DNAJC21: variants seen among roughly 807,000 people sequenced by gnomAD.
The protein encoded by DNAJC21 is DnaJ heat shock protein family (Hsp40) member C21.
In DNAJC21, 63 loss-of-function variants were observed where a neutral mutation model predicts 72.4. The observed-to-expected ratio is 0.87, with a 90% CI of 0.71 to 1.07. DNAJC21 has a LOEUF of 1.07. DNAJC21 is among the 50% of genes least tolerant of loss of function. The pLI, the probability that DNAJC21 is intolerant of heterozygous loss-of-function variation, is 0.00. For missense variants in DNAJC21, 634 were observed against 644.8 expected (o/e 0.98, Z 0.18); for synonymous variants, 203 against 216.7 (o/e 0.94, Z 0.56).
Position 34,933,897 on chromosome 5 carries a change from G to C in DNAJC21, c.180G>C (p.Gln60His). The change falls in exon 2 of 12, where the codon CAG becomes CAC. Residue 60 changes from glutamine to histidine, a missense_variant. By Grantham distance (24) the Gln-to-His change is conservative. Coordinates refer to ENST00000648817, the MANE Select transcript of DNAJC21 (RefSeq NM_001012339.3). ...CATATGATGTGTTGAGTGACCCTCA[G>C]GAAAGAGCATGGTGAGCATCACGCT... ...QAAYDVLSDP[Q>H]ERAWYDNHRE... 6.2e-7 allele frequency: 1 copy of C among 1,613,790 alleles called. No individual in the cohort carries two copies.
intron 8 of DNAJC21, among the ~76,000 whole-genome samples, chr5:34,945,312 A>G (rs1238196219): frequency 1.3e-5 from 2 of 152,156 alleles, no homozygotes; most frequent in East Asian, 3.9e-4. Flanking sequence ...TCCTGATCTC[A>G]GGTAATTCAC....
At chr5:34,936,704 C>T (rs1764791487) in intron 4 of DNAJC21, among the ~76,000 whole-genome samples, 1 of 152,160 alleles carries the variant, frequency 6.6e-6, no homozygotes, top group East Asian at 1.9e-4. Context: ...GCTTTTCGAT[C>T]TCTTGCAACC....
At chr5:34,939,501 G>A (rs62356990) in intron 6 of DNAJC21, among the ~76,000 whole-genome samples, 10 of 152,084 alleles carry the variant, frequency 6.6e-5, no homozygotes, top group Non-Finnish European at 1.0e-4. Context: ...TCCTGACCTC[G>A]TGATCCACCC....
chr5:34,931,280 G>A (rs192061507), intron 1 of DNAJC21, among the ~76,000 whole-genome samples: 190 of 152,322 alleles, frequency 1.2e-3, no homozygotes, highest in African/African-American at 4.4e-3. Context: ...AAGAGCAGAA[G>A]TAAATGAACT....
chr5:34,935,521 G>A (rs1000931744), intron 2 of DNAJC21, among the ~76,000 whole-genome samples, 189 bp from the exon 3 acceptor site: 6 of 152,070 alleles, frequency 3.9e-5, no homozygotes, highest in Admixed American at 2.0e-4. Context: ...TGCAGGCCTA[G>A]TTATAATTAA....
chr5:34,941,166 G>A lies in DNAJC21; in HGVS notation c.966G>A (p.Ser322=), dbSNP rs759074512. The A allele has an allele frequency of 5.0e-5, 80 of 1,613,876 alleles. No individual in the cohort carries two copies. The Admixed American group carries it at 5.5e-4, about 11-fold the overall frequency. The part of the protein sequence containing the change: ...DDLYCPACDK[S]FKTEKAMKNH... ...TTTACTGCCCAGCATGTGACAAATC[G>A]TTCAAGACAGAAAAGGCGTAAGTTT... is the stretch of plus-strand genomic sequence containing the variant. Residue 322 remains serine (S), a synonymous_variant, in exon 7 of 12, where the codon TCG becomes TCA. Transcript: ENST00000648817.
chr5:34,954,656 C>T lies in DNAJC21; in HGVS notation c.1538C>T (p.Ser513Leu), dbSNP rs760089076. ...ATGHARAPSSSSLNSATSSQS... is the reference protein window; with the variant it reads ...ATGHARAPSSLSLNSATSSQS... The stretch of plus-strand genomic sequence containing the variant: ...GGTCATGCAAGAGCACCTTCATCAT[C>T]GTCTTTAAACAGCGCAACAAGTAGT... The change falls in exon 12 of 12, where the codon TCG becomes TTG. Residue 513 changes from serine to leucine, a missense_variant. Coordinates refer to ENST00000648817, the MANE Select transcript of DNAJC21 (RefSeq NM_001012339.3). The T allele has an allele frequency of 7.4e-6, 12 of 1,613,104 alleles. No individual in the cohort carries two copies. Among genetic ancestry groups the T allele is most frequent in the South Asian group, 3.3e-5 (3 of 90,928 alleles).
chr5:34,949,508 G>T, intron 9 of DNAJC21: 1 of 1,551,534 alleles, frequency 6.4e-7, no homozygotes, highest in East Asian at 2.4e-5. Flanking sequence ...ATTCTTGAGT[G>T]TGAGTATTGT....
At chr5:34,939,063 A>G (rs940519926) in intron 6 of DNAJC21, 54 bp downstream of exon 6, 3 of 1,429,666 alleles carry the variant, frequency 2.1e-6, no homozygotes, top group Admixed American at 2.6e-5. Flanking sequence ...GAAGCTGGAA[A>G]TCTCCTTGCT....
intron 2 of DNAJC21, among the ~76,000 whole-genome samples, 170 bp from the exon 3 acceptor site, chr5:34,935,540 T>C (rs1322040381): frequency 1.3e-5 from 2 of 152,206 alleles, no homozygotes; most frequent in Non-Finnish European, 2.9e-5. Context: ...AACAGTTCTG[T>C]GAAAGATTAT....
In DNAJC21 at chr5:34,956,340, T is replaced by G. The variant is rs972600850; in HGVS notation, c.*1626T>G. On this transcript the variant is annotated 3_prime_UTR_variant, in exon 12 of 12. Transcript: ENST00000648817. Reference sequence around the variant, plus strand: ...AATTCTTTTCTTTTCCATTTAGAGATATGTTTTTTTCTTTACCTTCATACC... The same window carrying G: ...AATTCTTTTCTTTTCCATTTAGAGAGATGTTTTTTTCTTTACCTTCATACC... The G allele has an allele frequency of 1.3e-5, 2 of 152,306 alleles. No homozygotes were observed. The highest frequency in any genetic ancestry group is 2.9e-5 in the Non-Finnish European group (2 of 68,044). The allele number at this position is 152,306 out of a possible 1,614,324, so 9.4% of individuals were successfully genotyped here. A position where few individuals can be genotyped will look rare whatever the true frequency, so the allele number is the denominator to read the frequency against.
At position 34,957,130 on chromosome 5, in the gene DNAJC21, G is replaced by T. The variant is rs150824082; in HGVS notation, c.*2416G>T. 10 of 152,224 alleles carry T rather than the reference G, an allele frequency of 6.6e-5. No homozygotes were observed. The highest frequency in any genetic ancestry group is 2.4e-4 in the African/African-American group (10 of 41,540). The allele number at this position is 152,224 out of a possible 1,614,324, so 9.4% of individuals were successfully genotyped here. ...AAAACAGGAACGTACCATATATTTT[G>T]CTAAGGGTAAAATATTTTTGGTGAA... is the stretch of plus-strand genomic sequence containing the variant. On this transcript the variant is annotated 3_prime_UTR_variant, in exon 12 of 12. Coordinates refer to ENST00000648817, the MANE Select transcript of DNAJC21 (RefSeq NM_001012339.3).
intron 7 of DNAJC21, among the ~76,000 whole-genome samples, chr5:34,942,314 G>C (rs1055718658): frequency 1.3e-5 from 2 of 152,056 alleles, no homozygotes; most frequent in Non-Finnish European, 2.9e-5. Context: ...TATTAAAACG[G>C]ATACCATTAT....
chr5:34,952,995 C>A (rs1195172080), intron 10 of DNAJC21, among the ~76,000 whole-genome samples: 2 of 151,964 alleles, frequency 1.3e-5, no homozygotes, highest in East Asian at 2.0e-4. Flanking sequence ...CTAAAAAATA[C>A]AAAAATTAGC....
intron 5 of DNAJC21, 38 bp from the exon 6 acceptor site, chr5:34,938,820 C>G: frequency 6.5e-7 from 1 of 1,541,606 alleles, no homozygotes; most frequent in Non-Finnish European, 8.7e-7. Flanking sequence ...CATGCAGAGG[C>G]GTGCTTGTCG....
In DNAJC21 at chr5:34,944,849, G is replaced by A. The variant is rs201522258; in HGVS notation, c.984-18G>A. On this transcript the variant is annotated intron_variant, in intron 7 of 11. Transcript: ENST00000648817. ...AACTAATTTTAGCGCAGCTGCTCAC[G>A]TCAGATTGCTCTTTCAGCATGAAGA... 440 of 1,613,970 alleles carry A rather than the reference G, an allele frequency of 2.7e-4. 2 individuals are homozygous for A. Among genetic ancestry groups the A allele is most frequent in the South Asian group, 3.8e-4 (35 of 91,008 alleles).
At position 34,943,257 on chromosome 5, in the gene DNAJC21, A is replaced by T. The variant is rs575263835; in HGVS notation, c.984-1610A>T. ...AATGCAGTCTAAGAACATAATCTGG[A>T]ACAGCTTGTGTTGTCTTTTATGCTG... is the stretch of plus-strand genomic sequence containing the variant. On this transcript the variant is annotated intron_variant, in intron 7 of 11. Coordinates refer to ENST00000648817, the MANE Select transcript of DNAJC21 (RefSeq NM_001012339.3). Among the ~76,000 whole-genome samples the T allele has an allele frequency of 8.5e-5, 13 of 152,312 alleles. No homozygotes were observed. In the South Asian group the frequency reaches 2.1e-3, roughly 24 times the overall value.
At chr5:34,933,719 C>T (rs1399343218) in intron 1 of DNAJC21, 96 bp from the exon 2 acceptor site, 2 of 861,778 alleles carry the variant, frequency 2.3e-6, no homozygotes, top group African/African-American at 1.7e-5. Context: ...GTTTTGTGCA[C>T]GTCTCATCTG....
intron 6 of DNAJC21, 131 bp downstream of exon 6, chr5:34,939,140 A>AGTCG: frequency 2.4e-6 from 2 of 820,386 alleles, no homozygotes; most frequent in Non-Finnish European, 3.7e-6. Context: ...GGCCAAAGGT[A>AGTCG]GTCGGCTGAG....
Sources: gnomAD v4.1 joint callset for allele counts (sites outside exome capture counted in the v4.1 genomes callset) on GRCh38, gnomAD v4.1.1 for gene constraint, MANE v1.5 for transcripts, NCBI Gene and HGNC (gene_info 2026-07-23, HGNC 2026-07-21) for gene names.